UGT1A7: variants seen among roughly 807,000 people sequenced by gnomAD.
The protein encoded by UGT1A7 is UDP-glucuronosyltransferase 1A7.
In UGT1A7, 33 loss-of-function variants were observed where a neutral mutation model predicts 45.6. That is an observed-to-expected ratio of 0.72 (90% CI 0.55 to 0.97). The LOEUF (loss-of-function observed/expected upper bound fraction) is 0.97, where lower values mean the gene tolerates loss of function less well. UGT1A7 is among the 50% of genes least tolerant of loss of function. The pLI is 0.00. For missense variants in UGT1A7, 684 were observed against 666.2 expected, an observed-to-expected ratio of 1.03 and a Z score of -0.29; for synonymous variants, 274 against 250.6, an observed-to-expected ratio of 1.09 and a Z score of -0.88.
At chr2:233,737,905 A>C (rs1690628626) in intron 1 of UGT1A7, among the ~76,000 whole-genome samples, 1 of 152,094 alleles carries the variant, frequency 6.6e-6, no homozygotes. Flanking sequence ...AGTGTGGTAA[A>C]GAACAGGCTA....
At chr2:233,727,226 G>A (rs1435452926) in intron 1 of UGT1A7, among the ~76,000 whole-genome samples, 6 of 152,126 alleles carry the variant, frequency 3.9e-5, no homozygotes, top group Non-Finnish European at 8.8e-5. Flanking sequence ...CCACATATGC[G>A]GATGGCTCCA....
At chr2:233,756,814 A>C (rs985210538) in intron 1 of UGT1A7, among the ~76,000 whole-genome samples, 2 of 152,110 alleles carry the variant, frequency 1.3e-5, no homozygotes, top group Admixed American at 6.5e-5. Flanking sequence ...AGGTCACTCA[A>C]TTCCAAGGGG....
intron 1 of UGT1A7, among the ~76,000 whole-genome samples, chr2:233,717,328 C>T (rs2076563793): frequency 6.6e-6 from 1 of 152,198 alleles, no homozygotes; most frequent in Non-Finnish European, 1.5e-5. Context: ...TGTGTCCTCA[C>T]AAATCCCCAG....
At chr2:233,741,718 G>C (rs530950175) in intron 1 of UGT1A7, 1 of 151,992 alleles carries the variant, frequency 6.6e-6, no homozygotes, top group South Asian at 2.1e-4. Flanking sequence ...GGGTTCTAGA[G>C]CATATCCAAA....
rs894073173 is a variant in UGT1A7, at chr2:233,682,655, A to G, written c.718A>G (p.Thr240Ala). ...IASEILQTPV[T>A]AYDLYSHTSI... ...CTCTGAAATTCTCCAAACCCCTGTC[A>G]CGGCATATGATCTCTACAGCCACAC... Residue 240 changes from threonine (T) to alanine (A), a missense_variant, in exon 1 of 5, where the codon ACG (threonine) becomes GCG (alanine). Thr to Ala is a moderately conservative substitution (Grantham distance 58). Coordinates refer to ENST00000373426, the MANE Select transcript of UGT1A7 (RefSeq NM_019077.3). 1 of 1,613,884 alleles carries G rather than the reference A, an allele frequency of 6.2e-7. No individual in the cohort carries two copies. The highest frequency in any genetic ancestry group is 2.2e-5 in the East Asian group (1 of 44,880).
intron 1 of UGT1A7, among the ~76,000 whole-genome samples, chr2:233,765,157 C>T (rs1698767071): frequency 6.6e-6 from 1 of 152,114 alleles, no homozygotes; most frequent in African/African-American, 2.4e-5. Context: ...CTAGGGAACC[C>T]CTCAGTTTGG....
At chr2:233,712,930 G>A in intron 1 of UGT1A7, 1 of 1,612,150 alleles carries the variant, frequency 6.2e-7, no homozygotes, top group Non-Finnish European at 8.5e-7. Flanking sequence ...TTAAGACGAA[G>A]GAAACAATTC....
chr2:233,719,816 T>C (rs2076805774), intron 1 of UGT1A7: 21 of 1,580,710 alleles, frequency 1.3e-5, no homozygotes, highest in Non-Finnish European at 1.8e-5. Flanking sequence ...TTATAACAGA[T>C]AAACTGTTGA....
chr2:233,766,415 C>T (rs1416459239), intron 1 of UGT1A7, among the ~76,000 whole-genome samples: 1 of 152,164 alleles, frequency 6.6e-6, no homozygotes, highest in Admixed American at 6.5e-5. Context: ...CTGATGTGCT[C>T]CTCCCGATGT....
intron 1 of UGT1A7, among the ~76,000 whole-genome samples, chr2:233,734,811 T>G: frequency 6.6e-6 from 1 of 152,238 alleles, no homozygotes; most frequent in East Asian, 1.9e-4. Context: ...AGTTTCCATG[T>G]AGTTGTGCGA....
rs981811501 is a variant in UGT1A7 at position 233,745,071 on chromosome 2, G to T, written c.856-21963G>T. Reference sequence around the variant, plus strand: ...GTTTTTTATTTGTATTATTTGTATTGTTTTTTCATTGCTCTTCCCCCCAAA... The same window carrying T: ...GTTTTTTATTTGTATTATTTGTATTTTTTTTTCATTGCTCTTCCCCCCAAA... On this transcript the variant is annotated intron_variant, in intron 1 of 4. Transcript: ENST00000373426. Among the ~76,000 whole-genome samples the T allele has an allele frequency of 7.2e-5, 11 of 151,894 alleles. No individual in the cohort carries two copies. In the East Asian group the frequency reaches 9.6e-4, roughly 13 times the overall value.
intron 1 of UGT1A7, chr2:233,743,796 C>T (rs774777752): frequency 7.3e-7 from 1 of 1,367,346 alleles, no homozygotes; most frequent in South Asian, 1.1e-5. Flanking sequence ...CTCTCCGCTT[C>T]CTCCTTGTTC....
chr2:233,743,668 G>A (rs898129248), intron 1 of UGT1A7: 18 of 1,367,120 alleles, frequency 1.3e-5, no homozygotes, highest in African/African-American at 4.5e-5. Flanking sequence ...AGGGGTCCTC[G>A]AAGGGCCTGC....
intron 1 of UGT1A7, among the ~76,000 whole-genome samples, chr2:233,737,428 G>A (rs188444988): frequency 6.6e-6 from 1 of 152,348 alleles, no homozygotes; most frequent in African/African-American, 2.4e-5. Context: ...CAGTATTTGG[G>A]TGGGAGTGTC....
chr2:233,757,888 A>G (rs182101094), intron 1 of UGT1A7, among the ~76,000 whole-genome samples: 97 of 152,124 alleles, frequency 6.4e-4, no homozygotes, highest in African/African-American at 2.1e-3. Flanking sequence ...GGGTTCCAGA[A>G]ACACTTTCCA....
At position 233,682,269 on chromosome 2, in the gene UGT1A7, G is replaced by A; in HGVS notation, c.332G>A (p.Ser111Asn). 1.2e-6 allele frequency: 2 copies of A among 1,614,172 alleles called. No homozygotes were observed. Among genetic ancestry groups the A allele is most frequent in the Non-Finnish European group, 1.7e-6 (2 of 1,180,022 alleles). The change falls in exon 1 of 5, where the codon AGT becomes AAT. Residue 111 changes from serine (S) to asparagine (N), a missense_variant. Coordinates refer to ENST00000373426, the MANE Select transcript of UGT1A7 (RefSeq NM_019077.3). ...PLRSAFSLLT[S>N]SSNGIFDLFF... ...CGAAGTGCATTTTCTCTATTAACAA[G>A]TTCATCCAATGGTATTTTTGACTTA...
intron 1 of UGT1A7, among the ~76,000 whole-genome samples, chr2:233,730,416 T>C (rs934632657): frequency 4.6e-5 from 7 of 152,204 alleles, no homozygotes; most frequent in African/African-American, 1.7e-4. Flanking sequence ...GTTGACATGA[T>C]AATTTTTAGT....
rs2125545713 is a variant in UGT1A7, at chr2:233,690,623, A to G, written c.855+7831A>G. On this transcript the variant is annotated intron_variant, in intron 1 of 4. Coordinates refer to ENST00000373426, the MANE Select transcript of UGT1A7 (RefSeq NM_019077.3). The stretch of plus-strand genomic sequence containing the variant: ...AAATCGGCCTTTGCCTGGACACTCA[A>G]GTGATACCTGAGGACACCTTGACTC... 2.3e-6 allele frequency: 3 copies of G among 1,289,032 alleles called. No individual in the cohort carries two copies. The South Asian group carries it at 3.7e-5, about 16-fold the overall frequency. 79.8% of individuals were successfully genotyped at this position (1,289,032 alleles called of 1,614,324 possible). A position where few individuals can be genotyped will look rare whatever the true frequency, so the allele number is the denominator to read the frequency against.
rs1224727482 is a variant in UGT1A7, at chr2:233,769,496, T to C, written c.1295+1057T>C. 1 of 1,612,570 alleles carries C rather than the reference T, an allele frequency of 6.2e-7. No homozygotes were observed. The highest frequency in any genetic ancestry group is 8.5e-7 in the Non-Finnish European group (1 of 1,179,780). Reference sequence around the variant, plus strand: ...GTGTGTGTGCGTGTGTTTATGAGAGTGTCCATTGCTTTCTCCCATGGTTAC... The same window carrying C: ...GTGTGTGTGCGTGTGTTTATGAGAGCGTCCATTGCTTTCTCCCATGGTTAC... On this transcript the variant is annotated intron_variant, in intron 4 of 4. Coordinates refer to ENST00000373426, the MANE Select transcript of UGT1A7 (RefSeq NM_019077.3). The surrounding 1 kb of genome is among the most constrained non-coding windows in gnomAD (Gnocchi z 4.4).
Sources: allele counts gnomAD v4.1 joint callset (sites outside exome capture counted in the v4.1 genomes callset), GRCh38; gene constraint gnomAD v4.1.1; non-coding constraint Gnocchi (gnomAD v3.1); transcripts MANE v1.5; gene names NCBI Gene and HGNC (gene_info 2026-07-23, HGNC 2026-07-21).